The following SLX9 variants were observed in gnomAD, a reference collection of about 807,000 sequenced individuals.
The protein encoded by SLX9 is SLX9 ribosome biogenesis factor.
SLX9 carries 19 observed loss-of-function variants against 20.8 expected under a neutral mutation model. The observed-to-expected ratio is 0.91, with a 90% CI of 0.64 to 1.34. SLX9 has a LOEUF of 1.34. SLX9 is among the 40% of genes most tolerant of loss of function. SLX9 has a pLI of 0.00. For missense variants in SLX9, 299 were observed against 322.2 expected (o/e 0.93, Z 0.55); for synonymous variants, 113 against 137.1 (o/e 0.82, Z 1.23).
At chr21:44,946,591 A>C (rs1398997793) in intron 2 of SLX9, among the ~76,000 whole-genome samples, 1 of 152,204 alleles carries the variant, frequency 6.6e-6, no homozygotes, top group Admixed American at 6.5e-5. Flanking sequence ...ATTCAGGAGA[A>C]GGTGCTCCAA....
At chr21:44,968,013 TG>T (rs1405828589) in intron 4 of SLX9, among the ~76,000 whole-genome samples, 5 of 147,546 alleles carry the variant, frequency 3.4e-5, no homozygotes, top group African/African-American at 1.3e-4. Context: ...TGCTGAGAGC[TG>T]GGGTGGTGGG....
At chr21:44,955,047 C>A (rs1277183663) in intron 2 of SLX9, among the ~76,000 whole-genome samples, 2 of 152,000 alleles carry the variant, frequency 1.3e-5, no homozygotes, top group Non-Finnish European at 1.5e-5. Flanking sequence ...AAGACCCCGT[C>A]TCTACTAAAA....
chr21:44,959,733 C>T (rs77112680), intron 2 of SLX9, among the ~76,000 whole-genome samples: 13,972 of 152,304 alleles, frequency 0.092, 1,039 homozygotes, highest in East Asian at 0.34. Context: ...CTGTTCGTGG[C>T]CCCCTTCATG....
intron 3 of SLX9, among the ~76,000 whole-genome samples, chr21:44,962,916 T>C (rs1189015690): frequency 6.6e-6 from 1 of 152,206 alleles, no homozygotes; most frequent in Non-Finnish European, 1.5e-5. Flanking sequence ...AAAGAGCATT[T>C]ACATGTGCTT....
At chr21:44,971,698 G>A (rs1229069822) in intron 4 of SLX9, among the ~76,000 whole-genome samples, 1 of 314 alleles carries the variant, frequency 3.2e-3, no homozygotes, top group South Asian at 0.071. Context: ...GCACCTAGAG[G>A]AGGGGCCCCA....
chr21:44,961,937 A>G (rs2084954822), intron 3 of SLX9, among the ~76,000 whole-genome samples: 1 of 152,142 alleles, frequency 6.6e-6, no homozygotes, highest in South Asian at 2.1e-4. Flanking sequence ...TTTACTTTGT[A>G]TTTTATTATG....
intron 3 of SLX9, among the ~76,000 whole-genome samples, chr21:44,966,358 T>G (rs1177420218): frequency 6.6e-6 from 1 of 152,180 alleles, no homozygotes; most frequent in Non-Finnish European, 1.5e-5. Context: ...CCCGGTGGGT[T>G]GCCCTGAAGA....
At chr21:44,962,701 G>A (rs181448226) in intron 3 of SLX9, among the ~76,000 whole-genome samples, 1 of 152,170 alleles carries the variant, frequency 6.6e-6, no homozygotes, top group Non-Finnish European at 1.5e-5. Flanking sequence ...GGAATGCTGG[G>A]TCATAGGGTA....
chr21:44,970,708 C>T (rs2085127425), intron 4 of SLX9, among the ~76,000 whole-genome samples: 1 of 152,222 alleles, frequency 6.6e-6, no homozygotes, highest in African/African-American at 2.4e-5. Flanking sequence ...GCACCAGTGG[C>T]CTGGGAGGCT....
At chr21:44,960,989 A>G (rs960721755) in intron 3 of SLX9, among the ~76,000 whole-genome samples, 4 of 152,334 alleles carry the variant, frequency 2.6e-5, no homozygotes, top group African/African-American at 4.8e-5. Context: ...AAGAAAATGT[A>G]TGTTTTTCAG....
intron 1 of SLX9, among the ~76,000 whole-genome samples, chr21:44,941,777 G>A (rs905937629): frequency 1.4e-4 from 22 of 152,194 alleles, no homozygotes; most frequent in African/African-American, 5.1e-4. Flanking sequence ...CTGGGTCAGA[G>A]GGGCTTACTG....
At chr21:44,976,268 CCGGCTCAGGCTCT>C (rs1019120156) in intron 5 of SLX9, among the ~76,000 whole-genome samples, 1 of 151,550 alleles carries the variant, frequency 6.6e-6, no homozygotes, top group African/African-American at 2.4e-5. Flanking sequence ...CAGGCCTCTG[CCGGCTCAGGCTCT>C]CGGCTCTCGG....
chr21:44,970,440 C>T (rs2085122110), intron 4 of SLX9, among the ~76,000 whole-genome samples: 2 of 152,188 alleles, frequency 1.3e-5, no homozygotes, highest in Admixed American at 1.3e-4. Context: ...CGAGCACCAA[C>T]AGGTAACCCA....
rs150987218 is a variant in SLX9 at position 44,954,928 on chromosome 21, A to G, written c.284-5172A>G. Among the ~76,000 whole-genome samples, 334 of 152,230 alleles carry G rather than the reference A, an allele frequency of 2.2e-3. 1 individual carries two copies. Among genetic ancestry groups the G allele is most frequent in the African/African-American group, 7.5e-3 (310 of 41,526 alleles). Reference sequence around the variant, plus strand: ...TGACAAACATGTAGTATAAAGAAGGAAGAGGCCGGGGACGGTGGCTCACAC... The same window carrying G: ...TGACAAACATGTAGTATAAAGAAGGGAGAGGCCGGGGACGGTGGCTCACAC... On this transcript the variant is annotated intron_variant, in intron 2 of 5. Transcript: ENST00000291634.
intron 4 of SLX9, among the ~76,000 whole-genome samples, chr21:44,968,059 CGGGCCTGGGCCT>C (rs796975011): frequency 6.6e-6 from 1 of 151,952 alleles, no homozygotes; most frequent in African/African-American, 2.4e-5. Flanking sequence ...GCCAAGCCAG[CGGGCCTGGGCCT>C]GGGCCTGGAC....
At chr21:44,955,597 C>T (rs2084842071) in intron 2 of SLX9, among the ~76,000 whole-genome samples, 1 of 152,138 alleles carries the variant, frequency 6.6e-6, no homozygotes, top group South Asian at 2.1e-4. Context: ...CTCACTGCAG[C>T]TTCGACCTCC....
At chr21:44,975,441 C>T (rs1974167) in intron 5 of SLX9, among the ~76,000 whole-genome samples, 25,668 of 152,268 alleles carry the variant, frequency 0.17, 2,252 homozygotes, top group Admixed American at 0.22. Context: ...GCACCGAACC[C>T]GTGTCCCATA....
intron 5 of SLX9, 27 bp from the exon 6 acceptor site, chr21:44,976,653 G>A: frequency 6.4e-7 from 1 of 1,570,960 alleles, no homozygotes. Flanking sequence ...GTTCCTGCCT[G>A]CTGATCTGTG....
chr21:44,962,623 C>T lies in SLX9; in HGVS notation c.352+2455C>T, dbSNP rs2084965392. On this transcript the variant is annotated intron_variant, in intron 3 of 5. Transcript: ENST00000291634. ...TTTTTAGCTACTGTGAATAAGGCTG[C>T]TCTGAACATTCTTTACAAGTCTTTT... Among the ~76,000 whole-genome samples the T allele has an allele frequency of 3.9e-5, 6 of 152,334 alleles. No individual in the cohort carries two copies. The South Asian group carries it at 1.2e-3, about 32-fold the overall frequency.
Sources: allele counts gnomAD v4.1 joint callset (sites outside exome capture counted in the v4.1 genomes callset), GRCh38; gene constraint gnomAD v4.1.1; transcripts MANE v1.5; gene names NCBI Gene and HGNC (gene_info 2026-07-23, HGNC 2026-07-21).